Variants in ERC2 observed in about 807,000 individuals in gnomAD.
The protein encoded by ERC2 is ERC protein 2.
In ERC2, 42 loss-of-function variants were observed where a neutral mutation model predicts 114.8. The ratio of observed to expected loss-of-function variants is 0.37; its 90% CI spans 0.29 to 0.47. The LOEUF (loss-of-function observed/expected upper bound fraction) is 0.47. Ranked by LOEUF, ERC2 falls within the 20% of genes least tolerant of loss-of-function variation. ERC2 has a pLI of 0.99. For missense variants in ERC2, 939 were observed against 1,150.7 expected, an observed-to-expected ratio of 0.82 and a Z score of 2.66; for synonymous variants, 454 against 425.5, an observed-to-expected ratio of 1.07 and a Z score of -0.82.
rs181590590 is a variant in ERC2 at position 56,298,319 on chromosome 3, G to A, written c.658-1884C>T. On this transcript the variant is annotated intron_variant, in intron 2 of 17. Transcript: ENST00000288221. ...GTTTCCAAGGTTTATCCATGTGGTA[G>A]TGTGCATCTGTACTTCGTTCCTTTT... is the stretch of plus-strand genomic sequence containing the variant. 3.9e-5 allele frequency among the ~76,000 whole-genome samples: 6 copies of A among 152,334 alleles called. No individual in the cohort carries two copies. The East Asian group carries it at 1.2e-3, about 29-fold the overall frequency.
At chr3:56,080,411 C>T (rs2077176487) in intron 7 of ERC2, among the ~76,000 whole-genome samples, 2 of 152,116 alleles carry the variant, frequency 1.3e-5, no homozygotes, top group Non-Finnish European at 2.9e-5. Context: ...TCTATATGGG[C>T]TTCACAGAAT....
intron 7 of ERC2, among the ~76,000 whole-genome samples, chr3:56,058,199 C>T (rs781534507): frequency 6.6e-6 from 1 of 152,162 alleles, no homozygotes; most frequent in Non-Finnish European, 1.5e-5. Flanking sequence ...TGAACCCATG[C>T]CTCCCCTTAA....
At chr3:56,196,075 A>G (rs191870498) in intron 3 of ERC2, among the ~76,000 whole-genome samples, 66 of 152,208 alleles carry the variant, frequency 4.3e-4, no homozygotes, top group Non-Finnish European at 7.5e-4. Flanking sequence ...CCAGCTAAAA[A>G]TTACTGTTCT....
chr3:55,610,490 C>T (rs1450497448), intron 17 of ERC2: 1 of 147,336 alleles, frequency 6.8e-6, no homozygotes, highest in East Asian at 2.0e-4. Context: ...ATAGTGAAAT[C>T]CCATCTCTAC....
At chr3:55,651,014 A>ATTTTTTTTTT (rs71096493) in intron 17 of ERC2, among the ~76,000 whole-genome samples, 2 of 96,314 alleles carry the variant, frequency 2.1e-5, no homozygotes, top group African/African-American at 4.2e-5. Context: ...CACCCAGCTA[A>ATTTTTTTTTT]TTTTTTTTTT....
intron 7 of ERC2, among the ~76,000 whole-genome samples, chr3:56,024,373 C>T (rs540737186): frequency 6.6e-6 from 1 of 152,292 alleles, no homozygotes; most frequent in East Asian, 1.9e-4. Context: ...GTTGGCAATA[C>T]TACATATTAA....
At chr3:55,691,573 A>AAAAAAAAAAAATAT (rs1553631525) in intron 16 of ERC2, among the ~76,000 whole-genome samples, 2 of 39,742 alleles carry the variant, frequency 5.0e-5, no homozygotes, top group Non-Finnish European at 9.3e-5. Flanking sequence ...AAAAAAAAAA[A>AAAAAAAAAAAATAT]ATATATATAT....
At chr3:55,987,971 C>T (rs907562983) in intron 11 of ERC2, among the ~76,000 whole-genome samples, 3 of 152,154 alleles carry the variant, frequency 2.0e-5, no homozygotes, top group Admixed American at 6.5e-5. Flanking sequence ...AAATCCCTAA[C>T]ATATTTAAGA....
At chr3:55,947,844 A>G (rs2067229491) in intron 13 of ERC2, among the ~76,000 whole-genome samples, 1 of 152,232 alleles carries the variant, frequency 6.6e-6, no homozygotes, top group African/African-American at 2.4e-5. Context: ...CCAAAAATAA[A>G]CAATAAAAAA....
Position 55,531,298 on chromosome 3 carries a change from G to A in ERC2, c.*40-20022C>T, listed in dbSNP as rs1392180707. Among the ~76,000 whole-genome samples, 3 of 152,122 alleles carry A rather than the reference G, an allele frequency of 2.0e-5. No individual in the cohort carries two copies. In the East Asian group the frequency reaches 5.8e-4, roughly 29 times the overall value. The stretch of plus-strand genomic sequence containing the variant: ...TTACCAACACAATTTGGAATGAATT[G>A]ATGCAACCCTCAAGTCACAAGCAGG... On this transcript the variant is annotated intron_variant, in intron 17 of 17. Coordinates refer to ENST00000288221, the MANE Select transcript of ERC2 (RefSeq NM_015576.3).
intron 6 of ERC2, among the ~76,000 whole-genome samples, chr3:56,088,540 G>A (rs942500291): frequency 9.9e-5 from 15 of 152,056 alleles, no homozygotes; most frequent in Admixed American, 5.2e-4. Context: ...GAGTAGACAC[G>A]GGGGTTAAAG....
intron 14 of ERC2, among the ~76,000 whole-genome samples, chr3:55,815,583 C>G (rs1232565167): frequency 1.3e-5 from 2 of 152,216 alleles, no homozygotes; most frequent in African/African-American, 4.8e-5. Flanking sequence ...GCAGCCTCAG[C>G]TGCTTAACCG....
At chr3:55,867,565 A>T (rs1001363066) in intron 14 of ERC2, among the ~76,000 whole-genome samples, 5 of 152,228 alleles carry the variant, frequency 3.3e-5, no homozygotes, top group African/African-American at 1.2e-4. Context: ...CAAGAGAAAA[A>T]ATTGTAACAA....
At chr3:56,005,945 A>C (rs1173521742) in intron 10 of ERC2, among the ~76,000 whole-genome samples, 1 of 152,100 alleles carries the variant, frequency 6.6e-6, no homozygotes. Context: ...ATCTCCATTT[A>C]AACACCCTCA....
At chr3:55,663,207 A>G (rs1190581211) in intron 17 of ERC2, among the ~76,000 whole-genome samples, 1 of 152,222 alleles carries the variant, frequency 6.6e-6, no homozygotes, top group Admixed American at 6.5e-5. Context: ...TTTCAAACAG[A>G]ACCAAACAAA....
intron 7 of ERC2, among the ~76,000 whole-genome samples, chr3:56,078,219 G>A (rs2077068480): frequency 1.3e-5 from 2 of 152,172 alleles, no homozygotes; most frequent in African/African-American, 4.8e-5. Context: ...CCAGGACCTT[G>A]TCCATGAAGA....
At chr3:55,713,661 G>A (rs1010710397) in intron 15 of ERC2, among the ~76,000 whole-genome samples, 3 of 152,168 alleles carry the variant, frequency 2.0e-5, no homozygotes, top group African/African-American at 7.2e-5. Context: ...TCACCAAAAA[G>A]CATGTTTTCA....
chr3:56,328,924 G>A (rs1407309375), intron 2 of ERC2, among the ~76,000 whole-genome samples: 1 of 152,234 alleles, frequency 6.6e-6, no homozygotes, highest in Non-Finnish European at 1.5e-5. Context: ...TCTGCTCTGA[G>A]AGCTAGCTTC....
chr3:56,340,539 T>A (rs2058045808), intron 2 of ERC2, among the ~76,000 whole-genome samples: 2 of 124,372 alleles, frequency 1.6e-5, no homozygotes, highest in African/African-American at 3.0e-5. Flanking sequence ...AGAGAGAGAG[T>A]GAATGTGTGT....
Sources: allele counts gnomAD v4.1 joint callset (sites outside exome capture counted in the v4.1 genomes callset), GRCh38; gene constraint gnomAD v4.1.1; transcripts MANE v1.5; gene names NCBI Gene and HGNC (gene_info 2026-07-23, HGNC 2026-07-21).